The following PTPRN2 variants were observed in gnomAD, a reference collection of about 807,000 sequenced individuals.
The protein encoded by PTPRN2 is receptor-type tyrosine-protein phosphatase N2.
PTPRN2 carries 74 observed loss-of-function variants against 118.8 expected under a neutral mutation model. The observed-to-expected ratio is 0.62, with a 90% CI of 0.52 to 0.76. The LOEUF is 0.76. Among genes scored for constraint, PTPRN2 ranks in the 30% least tolerant of loss-of-function variants. The probability of loss-of-function intolerance (pLI) is 0.00; values close to 1 mark genes in which losing one functional copy is unlikely to be tolerated. For synonymous variants in PTPRN2, 641 were observed against 608.0 expected (o/e 1.05, Z -0.80); for missense variants, 1,481 against 1,394.4 (o/e 1.06, Z -0.99).
At chr7:157,841,313 G>C (rs917395749) in intron 12 of PTPRN2, among the ~76,000 whole-genome samples, 15 of 152,218 alleles carry the variant, frequency 9.9e-5, no homozygotes, top group African/African-American at 2.9e-4. Context: ...ACAAAACTGT[G>C]AACGAGGACA....
intron 12 of PTPRN2, among the ~76,000 whole-genome samples, chr7:157,859,948 C>T (rs1395633875): frequency 2.8e-5 from 4 of 144,676 alleles, no homozygotes; most frequent in Non-Finnish European, 6.1e-5. Flanking sequence ...GGGAGAGCCC[C>T]CCAGCCACTG....
intron 2 of PTPRN2, among the ~76,000 whole-genome samples, chr7:158,341,382 C>G (rs1806742095): frequency 6.6e-6 from 1 of 151,006 alleles, no homozygotes; most frequent in Non-Finnish European, 1.5e-5. Context: ...CACTCACACC[C>G]ACACTCTCAC....
At chr7:157,720,924 C>A (rs961087554) in intron 12 of PTPRN2, among the ~76,000 whole-genome samples, 1 of 152,164 alleles carries the variant, frequency 6.6e-6, no homozygotes. Flanking sequence ...AAGGTGAAAG[C>A]CCCTCGCGAG....
chr7:157,769,972 G>C (rs1802702993), intron 12 of PTPRN2, among the ~76,000 whole-genome samples: 1 of 152,164 alleles, frequency 6.6e-6, no homozygotes, highest in Non-Finnish European at 1.5e-5. Context: ...TGGGCTTTAG[G>C]ATACACACCC....
chr7:157,966,884 A>G (rs1801982562), intron 11 of PTPRN2, among the ~76,000 whole-genome samples: 1 of 152,318 alleles, frequency 6.6e-6, no homozygotes, highest in Non-Finnish European at 1.5e-5. Context: ...TGTCATCACC[A>G]TCATCATCAC....
At chr7:157,636,913 C>A (rs1390351695) in intron 14 of PTPRN2, among the ~76,000 whole-genome samples, 3 of 152,122 alleles carry the variant, frequency 2.0e-5, no homozygotes, top group Admixed American at 6.6e-5. Flanking sequence ...CTAACCTTTA[C>A]AAAGAAAGTA....
chr7:158,498,348 G>A lies in PTPRN2; in HGVS notation c.113-8563C>T, dbSNP rs549961005. ...CTTATTTCAGGTTCCTAATTGCACA[G>A]ATTTATTTAAACTCTCTTAAGAGTA... On this transcript the variant is annotated intron_variant, in intron 1 of 22. Transcript: ENST00000389418. Among the ~76,000 whole-genome samples, 5 of 152,294 alleles carry A rather than the reference G, an allele frequency of 3.3e-5. No homozygotes were observed. The South Asian group carries it at 1.0e-3, about 32-fold the overall frequency.
chr7:157,872,241 CCA>C (rs1330503166), intron 12 of PTPRN2, among the ~76,000 whole-genome samples: 2 of 148,210 alleles, frequency 1.3e-5, no homozygotes, highest in Admixed American at 6.7e-5. Context: ...AGTGTCCTCC[CCA>C]CACACACATA....
chr7:158,052,739 G>A (rs1481522290), intron 11 of PTPRN2, among the ~76,000 whole-genome samples: 2 of 152,068 alleles, frequency 1.3e-5, no homozygotes, highest in Non-Finnish European at 2.9e-5. Flanking sequence ...CCTGGAGAGG[G>A]TAGAGGGGTG....
At chr7:158,004,899 C>A (rs948960043) in intron 11 of PTPRN2, among the ~76,000 whole-genome samples, 1 of 152,014 alleles carries the variant, frequency 6.6e-6, no homozygotes, top group Admixed American at 6.6e-5. Context: ...ATTTTAAAAC[C>A]TCTTAGGGTA....
At chr7:157,747,368 C>T (rs1302804089) in intron 12 of PTPRN2, among the ~76,000 whole-genome samples, 8 of 144,426 alleles carry the variant, frequency 5.5e-5, no homozygotes, top group African/African-American at 1.6e-4. Flanking sequence ...ATTCTGAGGC[C>T]TGCGTCCCTG....
At chr7:157,644,802 C>CA (rs749501197) in intron 14 of PTPRN2, among the ~76,000 whole-genome samples, 1,193 of 72,346 alleles carry the variant, frequency 0.016, 11 homozygotes, top group East Asian at 0.049. Flanking sequence ...TCTCAAAAAA[C>CA]AAAAAAAAAA....
At chr7:158,402,986 C>G (rs1813065263) in intron 2 of PTPRN2, among the ~76,000 whole-genome samples, 1 of 152,236 alleles carries the variant, frequency 6.6e-6, no homozygotes, top group Non-Finnish European at 1.5e-5. Context: ...CACTGAAAAC[C>G]CATGAGCAGC....
chr7:158,330,815 C>T (rs1214585241), intron 2 of PTPRN2, among the ~76,000 whole-genome samples: 53 of 93,130 alleles, frequency 5.7e-4, no homozygotes, highest in African/African-American at 2.0e-3. Flanking sequence ...TAAGAGCTGA[C>T]ACCCGCAGAC....
intron 12 of PTPRN2, among the ~76,000 whole-genome samples, chr7:157,812,168 C>G (rs1437906680): frequency 6.6e-6 from 1 of 152,288 alleles, no homozygotes; most frequent in East Asian, 1.9e-4. Flanking sequence ...CTGGCCAAGG[C>G]AGGGGCACCC....
intron 5 of PTPRN2, among the ~76,000 whole-genome samples, chr7:158,172,685 CCAT>C (rs1368915650): frequency 1.3e-5 from 2 of 149,800 alleles, no homozygotes; most frequent in South Asian, 2.2e-4. Context: ...ATCATCTTCA[CCAT>C]CATCATCTTC....
At chr7:157,714,080 T>G (rs1288250615) in intron 12 of PTPRN2, among the ~76,000 whole-genome samples, 1 of 152,256 alleles carries the variant, frequency 6.6e-6, no homozygotes, top group Admixed American at 6.5e-5. Context: ...CTTCTATATC[T>G]TATTCTTGCT....
intron 3 of PTPRN2, among the ~76,000 whole-genome samples, chr7:158,240,789 A>G (rs1271332952): frequency 6.6e-6 from 1 of 152,216 alleles, no homozygotes; most frequent in African/African-American, 2.4e-5. Flanking sequence ...CTAGATCTTA[A>G]TATTGATTCA....
chr7:157,684,955 G>C (rs1797102631), intron 12 of PTPRN2, among the ~76,000 whole-genome samples: 1 of 151,902 alleles, frequency 6.6e-6, no homozygotes, highest in Non-Finnish European at 1.5e-5. Context: ...AAGCGGCGCC[G>C]GGACAGGGGC....
Sources: gnomAD v4.1 joint callset for allele counts (sites outside exome capture counted in the v4.1 genomes callset) on GRCh38, gnomAD v4.1.1 for gene constraint, MANE v1.5 for transcripts, NCBI Gene and HGNC (gene_info 2026-07-23, HGNC 2026-07-21) for gene names.